Variants in LY75 observed in about 807,000 individuals in gnomAD.
LY75 encodes lymphocyte antigen 75, also known as C-type lectin domain family 13 member B.
LY75 carries 185 observed loss-of-function variants against 231.7 expected under a neutral mutation model. That is an observed-to-expected ratio of 0.80 (90% confidence interval 0.71 to 0.90). The LOEUF (loss-of-function observed/expected upper bound fraction) is 0.90. Among genes scored for constraint, LY75 ranks in the 40% least tolerant of loss-of-function variants. The probability of loss-of-function intolerance (pLI) is 0.00; values close to 1 mark genes in which losing one functional copy is unlikely to be tolerated. For missense variants in LY75, 1,947 were observed against 2,050.2 expected, an observed-to-expected ratio of 0.95 and a Z score of 0.97; for synonymous variants, 668 against 689.0, an observed-to-expected ratio of 0.97 and a Z score of 0.48.
intron 23 of LY75, 64 bp downstream of exon 23, chr2:159,849,916 A>T (rs1223315437): frequency 1.3e-6 from 2 of 1,559,566 alleles, no homozygotes; most frequent in Admixed American, 4.0e-5. Context: ...TTAGTCCAAA[A>T]ATGTATGAAA....
chr2:159,899,741 C>A (rs1686017007), intron 1 of LY75, among the ~76,000 whole-genome samples: 1 of 152,080 alleles, frequency 6.6e-6, no homozygotes, highest in Admixed American at 6.6e-5. Context: ...TTTTTGGAGA[C>A]CTAAATTCAT....
At chr2:159,823,984 AC>A (rs1430443952) in intron 28 of LY75, among the ~76,000 whole-genome samples, 2 of 152,344 alleles carry the variant, frequency 1.3e-5, no homozygotes, top group East Asian at 3.9e-4. Flanking sequence ...GGTACCAGCC[AC>A]TGCAAAACAT....
At chr2:159,833,382 A>T (rs1683726051) in intron 27 of LY75, among the ~76,000 whole-genome samples, 1 of 152,092 alleles carries the variant, frequency 6.6e-6, no homozygotes, top group African/African-American at 2.4e-5. Context: ...CTTCCAAAGA[A>T]CTAGGATTAC....
At chr2:159,850,600 A>G (rs1400027744) in intron 21 of LY75, 133 bp from the exon 22 acceptor site, 2 of 1,104,646 alleles carry the variant, frequency 1.8e-6, no homozygotes, top group Non-Finnish European at 2.5e-6. Flanking sequence ...ATGTAGTACC[A>G]TAAGAATTCA....
At chr2:159,859,977 T>C (rs992287327) in intron 15 of LY75, among the ~76,000 whole-genome samples, 1 of 152,236 alleles carries the variant, frequency 6.6e-6, no homozygotes, top group Non-Finnish European at 1.5e-5. Context: ...TCGCATGTCA[T>C]AGTCTTTACT....
chr2:159,894,661 C>A (rs78243561), intron 2 of LY75, among the ~76,000 whole-genome samples: 1 of 152,128 alleles, frequency 6.6e-6, no homozygotes, highest in Non-Finnish European at 1.5e-5. Context: ...GGAAGAGCTG[C>A]TGAATTTCTG....
rs995750882 is a variant in LY75, at chr2:159,904,722, CACGCGGCTCCCGCCCCGCCTGCTGA to C, written c.-65_-41del. On this transcript the variant is annotated 5_prime_UTR_variant, in exon 1 of 35. Transcript: ENST00000263636. ...AGCCTTCCGGCCGGGTCCTCGGGCG[CACGCGGCTCCCGCCCCGCCTGCTGA>C]GCGCGGCCTGCCCCGCCCGCACCTC... The C allele has an allele frequency of 7.2e-7, 1 of 1,383,494 alleles. No homozygotes were observed. The highest frequency in any genetic ancestry group is 9.3e-7 in the Non-Finnish European group (1 of 1,076,192). 85.7% of individuals were successfully genotyped at this position (1,383,494 alleles called of 1,614,324 possible).
At chr2:159,830,588 CT>C (rs35004394) in intron 28 of LY75, among the ~76,000 whole-genome samples, 13,976 of 128,872 alleles carry the variant, frequency 0.11, 2,432 homozygotes, top group African/African-American at 0.38. Flanking sequence ...TTTTTCTATT[CT>C]TTTTTTTTTT....
At chr2:159,869,457 G>T (rs1036106611) in intron 13 of LY75, among the ~76,000 whole-genome samples, 2 of 152,188 alleles carry the variant, frequency 1.3e-5, no homozygotes, top group African/African-American at 4.8e-5. Context: ...TCATCAGCAT[G>T]ATGGTAGGAT....
rs1682721630 is a variant in LY75 at position 159,803,726 on chromosome 2, T to C, written c.*1318A>G. On this transcript the variant is annotated 3_prime_UTR_variant, in exon 35 of 35. Transcript: ENST00000263636. ...ATAATCTAGGTGTCAAAACTTAAAG[T>C]GATAACCACAAAGCAATGTTTTCTT... 6.6e-6 allele frequency: 1 copy of C among 152,248 alleles called. No homozygotes were observed. Among genetic ancestry groups the C allele is most frequent in the Non-Finnish European group, 1.5e-5 (1 of 68,036 alleles). The allele number at this position is 152,248 out of a possible 1,614,324, so 9.4% of individuals were successfully genotyped here.
At chr2:159,868,394 T>C (rs1265571255) in intron 13 of LY75, among the ~76,000 whole-genome samples, 7 of 152,164 alleles carry the variant, frequency 4.6e-5, no homozygotes, top group African/African-American at 1.7e-4. Context: ...AAAAGCTAAA[T>C]GTGTAGAGAT....
At chr2:159,813,332 GTTT>G (rs200109491) in intron 31 of LY75, among the ~76,000 whole-genome samples, 3 of 141,340 alleles carry the variant, frequency 2.1e-5, no homozygotes, top group African/African-American at 7.7e-5. Flanking sequence ...TCTCTGTTTT[GTTT>G]TTTTTTTTTT....
Position 159,808,582 on chromosome 2 carries a change from A to G in LY75, c.4700-11T>C. On this transcript the variant is annotated splice_polypyrimidine_tract_variant and intron_variant, in intron 32 of 34. Transcript: ENST00000263636. ...TAGTTGCAGAGTGATCTGTTGAAAG[A>G]AAACACATTCTCAATTAGCTTTATG... 1 of 1,612,590 alleles carries G rather than the reference A, an allele frequency of 6.2e-7. No homozygotes were observed. Among genetic ancestry groups the G allele is most frequent in the South Asian group, 1.1e-5 (1 of 91,064 alleles).
chr2:159,881,690 C>T (rs1318473714), intron 7 of LY75, among the ~76,000 whole-genome samples: 3 of 152,096 alleles, frequency 2.0e-5, no homozygotes, highest in Admixed American at 1.3e-4. Context: ...ATAATACTGT[C>T]CGTCTAGTAT....
In LY75 at chr2:159,850,791, T is replaced by TATATATATATATAAAA. The variant is rs1341394980; in HGVS notation, c.2884-325_2884-324insTTTTATATATATATAT. On this transcript the variant is annotated intron_variant, in intron 21 of 34. Transcript: ENST00000263636. Reference sequence around the variant, plus strand: ...AAACTTTCATATATATATATATATATATATATATTATATCTTATATATAAG... The same window carrying TATATATATATATAAAA: ...AAACTTTCATATATATATATATATATATATATATATATAAAAATATATATTATATCTTATATATAAG... 3.0e-3 allele frequency among the ~76,000 whole-genome samples: 279 copies of TATATATATATATAAAA among 94,054 alleles called. 14 individuals carry two copies. The highest frequency in any genetic ancestry group is 4.5e-3 in the African/African-American group (112 of 25,120). The allele number at this position is 94,054 out of a possible 152,430, so 61.7% of individuals were successfully genotyped here.
chr2:159,815,341 TAA>T, intron 31 of LY75, 62 bp downstream of exon 31: 1 of 1,515,218 alleles, frequency 6.6e-7, no homozygotes, highest in Non-Finnish European at 8.8e-7. Context: ...ACTGAGCTTT[TAA>T]TTATGTGCAT....
rs181825781 is a variant in LY75, at chr2:159,875,021, T to C, written c.1974+423A>G. ...TATATATATTGTATATATAAATATATATATTTGTATATATACACACAAATA... is the reference window on the plus strand; with the variant it reads ...TATATATATTGTATATATAAATATACATATTTGTATATATACACACAAATA... On this transcript the variant is annotated intron_variant, in intron 12 of 34. Coordinates refer to ENST00000263636, the MANE Select transcript of LY75 (RefSeq NM_002349.4). Among the ~76,000 whole-genome samples the C allele has an allele frequency of 1.2e-3, 173 of 144,378 alleles. 2 individuals carry two copies. The highest frequency in any genetic ancestry group is 4.2e-3 in the African/African-American group (165 of 39,070). The allele number at this position is 144,378 out of a possible 152,430, so 94.7% of individuals were successfully genotyped here.
At chr2:159,844,966 C>T (rs1250569809) in intron 23 of LY75, among the ~76,000 whole-genome samples, 3 of 151,944 alleles carry the variant, frequency 2.0e-5, no homozygotes, top group Non-Finnish European at 4.4e-5. Context: ...TCCACTTGTA[C>T]GTTAGAACAT....
rs371204680 is a variant in LY75, at chr2:159,893,942, G to A, written c.609C>T (p.Asp203=). ...GCTTTAAGCAGATGCCCCACTTTCG[G>A]TCATATTCATAATTTAAGGTGGTGG... The part of the protein sequence containing the change: ...WCATTLNYEY[D]RKWGICLKPE... The change falls in exon 3 of 35, where the codon GAC becomes GAT. Residue 203 remains aspartate, a synonymous_variant. Transcript: ENST00000263636. 2 of 1,612,642 alleles carry A rather than the reference G, an allele frequency of 1.2e-6. No homozygotes were observed. The highest frequency in any genetic ancestry group is 1.7e-6 in the Non-Finnish European group (2 of 1,179,466).
Sources: gnomAD v4.1 joint callset for allele counts (sites outside exome capture counted in the v4.1 genomes callset) on GRCh38, gnomAD v4.1.1 for gene constraint, MANE v1.5 for transcripts, NCBI Gene and HGNC (gene_info 2026-07-23, HGNC 2026-07-21) for gene names.